The following SLC22A23 variants were observed in gnomAD, a reference collection of about 807,000 sequenced individuals.
SLC22A23 encodes the protein ion transporter protein.
A neutral mutation model predicts 61.0 loss-of-function variants in SLC22A23; 26 were observed. The observed-to-expected ratio is 0.43, with a 90% CI of 0.31 to 0.59. The LOEUF is 0.59. Among genes scored for constraint, SLC22A23 ranks in the 20% least tolerant of loss-of-function variants. The pLI is 0.11. For missense variants in SLC22A23, 796 were observed against 934.7 expected (o/e 0.85, Z 1.94); for synonymous variants, 430 against 413.9 (o/e 1.04, Z -0.47).
chr6:3,437,758 T>G (rs1771320406), intron 1 of SLC22A23, among the ~76,000 whole-genome samples: 1 of 149,924 alleles, frequency 6.7e-6, no homozygotes, highest in Non-Finnish European at 1.5e-5. Context: ...TTTTTTTTTT[T>G]TTTTTTGAGA....
chr6:3,447,585 T>TTC (rs1376256922), intron 1 of SLC22A23, among the ~76,000 whole-genome samples: 7 of 142,832 alleles, frequency 4.9e-5, no homozygotes, highest in African/African-American at 1.8e-4. Context: ...GAAACTTTCT[T>TTC]TTTTTTTTTT....
At position 3,427,625 on chromosome 6, in the gene SLC22A23, G is replaced by C. The variant is rs570473651; in HGVS notation, c.655-11770C>G. 1.8e-4 allele frequency among the ~76,000 whole-genome samples: 27 copies of C among 152,064 alleles called. No individual in the cohort carries two copies. Among genetic ancestry groups the C allele is most frequent in the Non-Finnish European group, 2.8e-4 (19 of 67,976 alleles). On this transcript the variant is annotated intron_variant, in intron 1 of 9. Transcript: ENST00000406686. This position sits in a 1 kb window ranked among gnomAD's most constrained non-coding sequence, Gnocchi z 4.3. Reference sequence around the variant, plus strand: ...TCCTCCCACCACCTCTCAGGATGCCGTGCCCTTCACTTTGACCTCCTCAGC... The same window carrying C: ...TCCTCCCACCACCTCTCAGGATGCCCTGCCCTTCACTTTGACCTCCTCAGC...
Position 3,342,488 on chromosome 6 carries a change from TC to T in SLC22A23, c.914-18487del, listed in dbSNP as rs1443365678. ...CTTTCTCTCTCCCAGTCTGCAGAGG[TC>T]CCTGAAAACAGTGCTTCTCAAAGGT... is the stretch of plus-strand genomic sequence containing the variant. On this transcript the variant is annotated intron_variant, in intron 3 of 9. Transcript: ENST00000406686. This position sits in a 1 kb window ranked among gnomAD's most constrained non-coding sequence, Gnocchi z 4.0. Among the ~76,000 whole-genome samples the T allele has an allele frequency of 6.6e-6, 1 of 151,970 alleles. No individual in the cohort carries two copies.
rs112404903 is a variant in SLC22A23, at chr6:3,301,560, G to A, written c.1083-3342C>T. On this transcript the variant is annotated intron_variant, in intron 4 of 9. Coordinates refer to ENST00000406686, the MANE Select transcript of SLC22A23 (RefSeq NM_015482.2). ...TATCAAACGCTTACGGAACTCCATG[G>A]CAGGAAATGGATTTTGAAAATCAAG... Among the ~76,000 whole-genome samples, 1,136 of 152,280 alleles carry A rather than the reference G, an allele frequency of 7.5e-3. 13 individuals are homozygous for A. The highest frequency in any genetic ancestry group is 0.026 in the African/African-American group (1,096 of 41,554).
chr6:3,282,412 G>T, intron 9 of SLC22A23: 1 of 674,426 alleles, frequency 1.5e-6, no homozygotes, highest in Non-Finnish European at 2.7e-6. Context: ...TGTCAGGCTG[G>T]GCCTGTAGGA....
At chr6:3,412,214 T>C (rs1199975435) in intron 2 of SLC22A23, among the ~76,000 whole-genome samples, 1 of 152,220 alleles carries the variant, frequency 6.6e-6, no homozygotes, top group African/African-American at 2.4e-5. Context: ...GTTCGATTTT[T>C]TTAAGCGTGC....
Position 3,292,875 on chromosome 6 carries a change from G to A in SLC22A23, c.1211-3009C>T, listed in dbSNP as rs760350643. On this transcript the variant is annotated intron_variant, in intron 5 of 9. Coordinates refer to ENST00000406686, the MANE Select transcript of SLC22A23 (RefSeq NM_015482.2). ...GCACTCGGGGAGCACGTGTCTTCCC[G>A]CCCCGTGCTCAGTGAGCCCAACATC... is the stretch of plus-strand genomic sequence containing the variant. Among the ~76,000 whole-genome samples the A allele has an allele frequency of 4.6e-5, 7 of 152,300 alleles. No individual in the cohort carries two copies. The East Asian group carries it at 7.7e-4, about 17-fold the overall frequency.
intron 3 of SLC22A23, among the ~76,000 whole-genome samples, chr6:3,353,310 T>G (rs1350924690): frequency 2.0e-5 from 3 of 152,196 alleles, no homozygotes; most frequent in African/African-American, 7.2e-5. Context: ...CTGTGTTAGA[T>G]TTCCTATACC....
At chr6:3,398,209 T>C (rs2127495598) in intron 3 of SLC22A23, among the ~76,000 whole-genome samples, 1 of 152,346 alleles carries the variant, frequency 6.6e-6, no homozygotes, top group South Asian at 2.1e-4. Context: ...ATGTATTTAC[T>C]ATTTAAAACT....
intron 4 of SLC22A23, chr6:3,311,839 C>T (rs1762382131): frequency 6.6e-6 from 1 of 152,162 alleles, no homozygotes; most frequent in Admixed American, 6.5e-5. Context: ...TGGTGGAAAT[C>T]TCTTGGGAGC....
chr6:3,456,321 T>A lies in SLC22A23; in HGVS notation c.239A>T (p.Tyr80Phe), dbSNP rs543429473. Residue 80 changes from tyrosine to phenylalanine, a missense_variant, in exon 1 of 10, where the codon TAT becomes TTT. Physicochemically the swap from Tyr to Phe is conservative, Grantham distance 22. Coordinates refer to ENST00000406686, the MANE Select transcript of SLC22A23 (RefSeq NM_015482.2). This position sits in a 1 kb window ranked among gnomAD's most constrained non-coding sequence, Gnocchi z 7.1. ...AAAPSLLLLD[Y>F]DGSVLPFLGG... ...GAGGAAGGGCAGCACCGACCCGTCATAGTCCAGCAACAAGAGGCTCGGGGC... is the reference window on the plus strand; with the variant it reads ...GAGGAAGGGCAGCACCGACCCGTCAAAGTCCAGCAACAAGAGGCTCGGGGC... 9.2e-5 allele frequency: 142 copies of A among 1,550,536 alleles called. No individual in the cohort carries two copies. The African/African-American group carries it at 1.9e-3, about 21-fold the overall frequency.
At position 3,410,068 on chromosome 6, in the gene SLC22A23, G is replaced by C; in HGVS notation, c.913+120C>G. The C allele has an allele frequency of 8.6e-7, 1 of 1,159,222 alleles. No homozygotes were observed. Among genetic ancestry groups the C allele is most frequent in the Non-Finnish European group, 1.2e-6 (1 of 835,414 alleles). The allele number at this position is 1,159,222 out of a possible 1,614,324, so 71.8% of individuals were successfully genotyped here. On this transcript the variant is annotated intron_variant, in intron 3 of 9. Coordinates refer to ENST00000406686, the MANE Select transcript of SLC22A23 (RefSeq NM_015482.2). The surrounding 1 kb of genome is among the most constrained non-coding windows in gnomAD (Gnocchi z 5.0). Reference sequence around the variant, plus strand: ...ACAACACTTGAGGCCTTTAATGTTTGTGTTTCCACAAAACTGCCAGCCCAC... The same window carrying C: ...ACAACACTTGAGGCCTTTAATGTTTCTGTTTCCACAAAACTGCCAGCCCAC...
At chr6:3,315,417 G>A (rs1018302116) in intron 4 of SLC22A23, among the ~76,000 whole-genome samples, 1 of 152,176 alleles carries the variant, frequency 6.6e-6, no homozygotes. Flanking sequence ...TGCTTTCATC[G>A]CTTCCAGGAA....
intron 3 of SLC22A23, among the ~76,000 whole-genome samples, chr6:3,364,287 G>A (rs1312071051): frequency 6.6e-6 from 1 of 152,110 alleles, no homozygotes; most frequent in African/African-American, 2.4e-5. Flanking sequence ...ACGGCAACTA[G>A]GTAAGATGTA....
At chr6:3,280,007 C>G (rs4383859) in intron 9 of SLC22A23, among the ~76,000 whole-genome samples, 141,012 of 152,310 alleles carry the variant, frequency 0.93, 65,495 homozygotes, top group African/African-American at 0.94. Context: ...TTGAAACACC[C>G]GAGGCGAGGC....
chr6:3,383,747 A>C (rs936762233), intron 3 of SLC22A23, among the ~76,000 whole-genome samples: 11 of 152,212 alleles, frequency 7.2e-5, no homozygotes, highest in African/African-American at 2.7e-4. Context: ...CAAGGAACTG[A>C]TACCAGCTCA....
At chr6:3,321,331 C>T (rs148296613) in intron 4 of SLC22A23, among the ~76,000 whole-genome samples, 3 of 152,310 alleles carry the variant, frequency 2.0e-5, no homozygotes, top group Non-Finnish European at 4.4e-5. Context: ...GAGCTGTAAG[C>T]GGGAAGCAGA....
At chr6:3,295,079 G>A (rs1219579616) in intron 5 of SLC22A23, among the ~76,000 whole-genome samples, 1 of 152,196 alleles carries the variant, frequency 6.6e-6, no homozygotes, top group Non-Finnish European at 1.5e-5. Flanking sequence ...TACGCGTCGC[G>A]TCAGGCCTTC....
At chr6:3,441,680 C>T (rs977205554) in intron 1 of SLC22A23, among the ~76,000 whole-genome samples, 1 of 152,198 alleles carries the variant, frequency 6.6e-6, no homozygotes, top group African/African-American at 2.4e-5. Flanking sequence ...GTGCACTGCA[C>T]CTGCCCTCCT....
Sources: allele counts gnomAD v4.1 joint callset (sites outside exome capture counted in the v4.1 genomes callset), GRCh38; gene constraint gnomAD v4.1.1; non-coding constraint Gnocchi (gnomAD v3.1); transcripts MANE v1.5; gene names NCBI Gene and HGNC (gene_info 2026-07-23, HGNC 2026-07-21).